GALNTL6: variants seen among roughly 807,000 people sequenced by gnomAD.
The protein encoded by GALNTL6 is polypeptide N-acetylgalactosaminyltransferase like 6.
GALNTL6 carries 46 observed loss-of-function variants against 73.7 expected under a neutral mutation model. The observed-to-expected ratio is 0.62, with a 90% CI of 0.49 to 0.80. The LOEUF (loss-of-function observed/expected upper bound fraction) is 0.80. GALNTL6 is among the 30% of genes least tolerant of loss of function. GALNTL6 has a pLI of 0.00. For missense variants in GALNTL6, 604 were observed against 755.0 expected (o/e 0.80, Z 2.34); for synonymous variants, 259 against 263.7 (o/e 0.98, Z 0.17).
At chr4:172,253,065 G>A (rs1256327278) in intron 3 of GALNTL6, among the ~76,000 whole-genome samples, 1 of 151,868 alleles carries the variant, frequency 6.6e-6, no homozygotes. Flanking sequence ...GATCATAAAA[G>A]TCTAAAAAGC....
At chr4:172,562,650 G>T (rs12648405) in intron 5 of GALNTL6, among the ~76,000 whole-genome samples, 1 of 152,006 alleles carries the variant, frequency 6.6e-6, no homozygotes, top group Non-Finnish European at 1.5e-5. Flanking sequence ...ATAAGGTATC[G>T]ATCTTGCCTA....
At chr4:172,696,289 G>A (rs1158342281) in intron 5 of GALNTL6, among the ~76,000 whole-genome samples, 4 of 152,092 alleles carry the variant, frequency 2.6e-5, no homozygotes, top group African/African-American at 9.7e-5. Context: ...TTTCTAGCTG[G>A]CATTTACAAA....
In GALNTL6 at chr4:172,268,974, C is replaced by T. The variant is rs114073001; in HGVS notation, c.247+39210C>T. Among the ~76,000 whole-genome samples the T allele has an allele frequency of 5.4e-3, 821 of 152,150 alleles. 8 individuals carry two copies. The highest frequency in any genetic ancestry group is 0.019 in the African/African-American group (774 of 41,522). ...ATTTTGTTATAGCAGCCCAAGTTGACTAAGAGGAAGCCCTTTAGTCAGAAA... is the reference window on the plus strand; with the variant it reads ...ATTTTGTTATAGCAGCCCAAGTTGATTAAGAGGAAGCCCTTTAGTCAGAAA... On this transcript the variant is annotated intron_variant, in intron 3 of 12. Coordinates refer to ENST00000506823, the MANE Select transcript of GALNTL6 (RefSeq NM_001034845.3).
Position 172,181,779 on chromosome 4 carries a change from C to T in GALNTL6, c.139-47877C>T, listed in dbSNP as rs572077995. 1.4e-4 allele frequency among the ~76,000 whole-genome samples: 20 copies of T among 147,752 alleles called. 1 individual carries two copies. Among genetic ancestry groups the T allele is most frequent in the South Asian group, 6.5e-4 (3 of 4,650 alleles). ...TAACCAAGGCTGGAGTGCAGTGGCG[C>T]GATCTCGGCTCACTGCAGCCTCCAC... On this transcript the variant is annotated intron_variant, in intron 2 of 12. Coordinates refer to ENST00000506823, the MANE Select transcript of GALNTL6 (RefSeq NM_001034845.3).
intron 2 of GALNTL6, among the ~76,000 whole-genome samples, chr4:171,890,824 G>A (rs1247411961): frequency 6.6e-6 from 1 of 152,080 alleles, no homozygotes; most frequent in African/African-American, 2.4e-5. Context: ...GGTTAGGGGT[G>A]GAGGTCCCAT....
At chr4:172,683,811 A>AT (rs1732767742) in intron 5 of GALNTL6, among the ~76,000 whole-genome samples, 1 of 152,234 alleles carries the variant, frequency 6.6e-6, no homozygotes, top group Admixed American at 6.5e-5. Flanking sequence ...AATAATATCA[A>AT]TTAACTGAGA....
intron 5 of GALNTL6, among the ~76,000 whole-genome samples, chr4:172,406,193 A>G (rs1364853119): frequency 1.3e-5 from 2 of 151,832 alleles, no homozygotes; most frequent in Non-Finnish European, 2.9e-5. Context: ...TTATTTATTT[A>G]TTTGTTTATT....
At chr4:172,241,867 C>A (rs1333215537) in intron 3 of GALNTL6, among the ~76,000 whole-genome samples, 2 of 151,974 alleles carry the variant, frequency 1.3e-5, no homozygotes, top group African/African-American at 2.4e-5. Flanking sequence ...TGTATTTTAT[C>A]TTTTAACAGT....
intron 2 of GALNTL6, among the ~76,000 whole-genome samples, chr4:172,162,630 A>G (rs1348089254): frequency 6.6e-6 from 1 of 152,014 alleles, no homozygotes; most frequent in Non-Finnish European, 1.5e-5. Context: ...ACAAGATCAC[A>G]AGGCAGAAAG....
At chr4:172,472,144 T>C (rs1579103505) in intron 5 of GALNTL6, among the ~76,000 whole-genome samples, 1 of 152,180 alleles carries the variant, frequency 6.6e-6, no homozygotes, top group Non-Finnish European at 1.5e-5. Flanking sequence ...AATCAATGTT[T>C]CCCTTTATTG....
At chr4:172,136,551 C>A (rs1733642246) in intron 2 of GALNTL6, among the ~76,000 whole-genome samples, 1 of 151,914 alleles carries the variant, frequency 6.6e-6, no homozygotes, top group Admixed American at 6.6e-5. Flanking sequence ...ATCTAAAGAT[C>A]AGAAAATGTT....
At chr4:172,354,453 A>T (rs944024150) in intron 5 of GALNTL6, among the ~76,000 whole-genome samples, 1 of 152,072 alleles carries the variant, frequency 6.6e-6, no homozygotes, top group Admixed American at 6.6e-5. Context: ...ATAAAAGTTA[A>T]ATGTGCAGAT....
intron 2 of GALNTL6, among the ~76,000 whole-genome samples, chr4:172,166,129 T>G (rs1405413894): frequency 6.6e-6 from 1 of 152,202 alleles, no homozygotes; most frequent in Non-Finnish European, 1.5e-5. Context: ...AATAGAGGAT[T>G]ATGGTAAAAG....
intron 2 of GALNTL6, among the ~76,000 whole-genome samples, chr4:171,907,300 C>A (rs1375679697): frequency 2.0e-5 from 3 of 152,178 alleles, no homozygotes; most frequent in African/African-American, 2.4e-5. Context: ...AGCAAAGTCT[C>A]AGATACAAAA....
intron 2 of GALNTL6, among the ~76,000 whole-genome samples, chr4:171,930,654 G>A (rs1465909383): frequency 6.6e-6 from 1 of 152,058 alleles, no homozygotes; most frequent in African/African-American, 2.4e-5. Context: ...GGCAAACATA[G>A]TAAAACCCCA....
At chr4:172,022,132 A>G (rs555488800) in intron 2 of GALNTL6, among the ~76,000 whole-genome samples, 1 of 152,128 alleles carries the variant, frequency 6.6e-6, no homozygotes, top group South Asian at 2.1e-4. Flanking sequence ...GGAAACAATC[A>G]ATAAGGTGAA....
chr4:172,580,722 G>GA (rs1286768343), intron 5 of GALNTL6, among the ~76,000 whole-genome samples: 1 of 152,130 alleles, frequency 6.6e-6, no homozygotes, highest in Non-Finnish European at 1.5e-5. Context: ...GGGAGAAACA[G>GA]AAAAAAATAC....
chr4:171,914,841 TTTTAGAGTA>T (rs1248105531), intron 2 of GALNTL6, among the ~76,000 whole-genome samples: 1 of 151,738 alleles, frequency 6.6e-6, no homozygotes, highest in Non-Finnish European at 1.5e-5. Context: ...TGATTCAATA[TTTTAGAGTA>T]TTTTTTTACA....
chr4:172,486,115 T>C (rs565200602), intron 5 of GALNTL6, among the ~76,000 whole-genome samples: 2 of 152,340 alleles, frequency 1.3e-5, no homozygotes, highest in African/African-American at 4.8e-5. Context: ...TTTAGTCTAA[T>C]AGTAGACACT....
Sources: gnomAD v4.1 joint callset for allele counts (sites outside exome capture counted in the v4.1 genomes callset) on GRCh38, gnomAD v4.1.1 for gene constraint, MANE v1.5 for transcripts, NCBI Gene and HGNC (gene_info 2026-07-23, HGNC 2026-07-21) for gene names.